Variants in ESRRG observed in about 807,000 individuals in gnomAD.
The protein encoded by ESRRG is estrogen-related receptor gamma.
Under a neutral mutation model 44.0 loss-of-function variants are expected in ESRRG, and 13 were observed. The observed-to-expected ratio is 0.30, with a 90% confidence interval of 0.19 to 0.47. The LOEUF (loss-of-function observed/expected upper bound fraction) is 0.47, where lower values mean the gene tolerates loss of function less well. ESRRG is among the 20% of genes least tolerant of loss of function. ESRRG has a pLI of 1.00. For missense variants in ESRRG, 395 were observed against 580.6 expected, an observed-to-expected ratio of 0.68 and a Z score of 3.29; for synonymous variants, 215 against 214.6, an observed-to-expected ratio of 1.00 and a Z score of -0.02.
chr1:216,747,207 T>C (rs73093939), intron 2 of ESRRG, among the ~76,000 whole-genome samples: 3 of 152,280 alleles, frequency 2.0e-5, no homozygotes, highest in African/African-American at 7.2e-5. Flanking sequence ...TGAGACGTCA[T>C]TTAAATTGCC....
At chr1:217,086,341 T>A (rs1012211494) in intron 1 of ESRRG, among the ~76,000 whole-genome samples, 1 of 152,224 alleles carries the variant, frequency 6.6e-6, no homozygotes, top group African/African-American at 2.4e-5. Flanking sequence ...CTATCCCCAT[T>A]TCATAGGGCT....
intron 2 of ESRRG, among the ~76,000 whole-genome samples, chr1:216,907,249 C>G (rs188063664): frequency 6.6e-6 from 1 of 152,238 alleles, no homozygotes; most frequent in Admixed American, 6.5e-5. Flanking sequence ...AAGCCATTAC[C>G]GAGTGACAGG....
At chr1:216,709,160 C>A (rs189320452) in intron 1 of ESRRG, among the ~76,000 whole-genome samples, 1 of 151,928 alleles carries the variant, frequency 6.6e-6, no homozygotes, top group East Asian at 1.9e-4. Flanking sequence ...CTCATGTATA[C>A]CTATGTAACA....
chr1:216,622,040 A>T lies in ESRRG; in HGVS notation c.589+28933T>A, dbSNP rs552831755. On this transcript the variant is annotated intron_variant, in intron 3 of 6. Coordinates refer to ENST00000408911, the MANE Select transcript of ESRRG (RefSeq NM_001438.4). Reference sequence around the variant, plus strand: ...TGGATGACTACTGTCTACAAACTACAGAGTGAATAGTTGGCATGGAATTCA... The same window carrying T: ...TGGATGACTACTGTCTACAAACTACTGAGTGAATAGTTGGCATGGAATTCA... 3.9e-5 allele frequency among the ~76,000 whole-genome samples: 6 copies of T among 152,308 alleles called. No homozygotes were observed. The East Asian group carries it at 1.2e-3, about 30-fold the overall frequency.
rs115508532 is a variant in ESRRG, at chr1:216,736,060, G to T, written c.-13-58569C>A. Among the ~76,000 whole-genome samples the T allele has an allele frequency of 5.4e-3, 797 of 146,310 alleles. 6 individuals carry two copies. The highest frequency in any genetic ancestry group is 0.019 in the African/African-American group (751 of 39,728). On this transcript the variant is annotated intron_variant, in intron 2 of 7. Transcript: ENST00000359162. ...GGTCACTATACTCACCTTCACTTGA[G>T]AAAGATGAGAACAGGGGGGGAGTTT...
intron 2 of ESRRG, among the ~76,000 whole-genome samples, chr1:216,821,687 G>GAAAAAAAAAAAAAAAAAAAAAA (rs1251334274): frequency 5.5e-5 from 3 of 54,190 alleles, no homozygotes; most frequent in Non-Finnish European, 8.0e-5. Context: ...CCTGCCTCAG[G>GAAAAAAAAAAAAAAAAAAAAAA]AAAAATAAAT....
At chr1:216,869,445 G>C (rs2096227360) in intron 2 of ESRRG, among the ~76,000 whole-genome samples, 1 of 152,076 alleles carries the variant, frequency 6.6e-6, no homozygotes, top group South Asian at 2.1e-4. Flanking sequence ...GTCTTGATTA[G>C]TGTAGCTATA....
chr1:217,092,256 A>G (rs1179168142), upstream of ESRRG, among the ~76,000 whole-genome samples: 4 of 152,222 alleles, frequency 2.6e-5, no homozygotes, highest in African/African-American at 7.2e-5. Flanking sequence ...AATAGTTAAT[A>G]TTGTTGGAGC....
chr1:216,538,966 T>C (rs529160105), intron 5 of ESRRG, among the ~76,000 whole-genome samples: 1 of 152,180 alleles, frequency 6.6e-6, no homozygotes. Flanking sequence ...GCATGTCATG[T>C]CAATTAACAA....
At chr1:216,889,908 G>A (rs2057538657) in intron 2 of ESRRG, among the ~76,000 whole-genome samples, 1 of 152,136 alleles carries the variant, frequency 6.6e-6, no homozygotes, top group South Asian at 2.1e-4. Flanking sequence ...TAAAAATACT[G>A]AAATCTTATA....
intron 3 of ESRRG, among the ~76,000 whole-genome samples, chr1:216,589,018 G>C (rs1295445537): frequency 1.3e-5 from 2 of 152,114 alleles, no homozygotes; most frequent in Non-Finnish European, 2.9e-5. Flanking sequence ...GATTTTAAAG[G>C]AAAGAAAAAC....
At chr1:217,056,914 G>T (rs1017629861) in intron 1 of ESRRG, among the ~76,000 whole-genome samples, 2 of 152,082 alleles carry the variant, frequency 1.3e-5, no homozygotes, top group Non-Finnish European at 2.9e-5. Flanking sequence ...GAACCCAGAA[G>T]AGCTAATAGT....
chr1:216,929,512 G>T (rs1489204066), intron 2 of ESRRG, among the ~76,000 whole-genome samples: 5 of 152,274 alleles, frequency 3.3e-5, no homozygotes, highest in African/African-American at 1.2e-4. Context: ...AGTGCTTGAA[G>T]AAATGTTTTT....
chr1:216,634,778 G>A (rs560702561), intron 3 of ESRRG, among the ~76,000 whole-genome samples: 10 of 152,120 alleles, frequency 6.6e-5, no homozygotes, highest in African/African-American at 1.9e-4. Flanking sequence ...GGGAGGATGC[G>A]TGTGGGTTGG....
chr1:216,976,005 C>T (rs529705700), intron 1 of ESRRG, among the ~76,000 whole-genome samples: 18 of 152,212 alleles, frequency 1.2e-4, no homozygotes, highest in Middle Eastern at 6.8e-3. Flanking sequence ...TCTAAATGTC[C>T]ATGAGCTTCA....
At chr1:217,002,402 A>T (rs2077163401) in intron 1 of ESRRG, among the ~76,000 whole-genome samples, 1 of 151,964 alleles carries the variant, frequency 6.6e-6, no homozygotes, top group Non-Finnish European at 1.5e-5. Context: ...TTTAGGGCAG[A>T]TCCGTCCCTA....
intron 5 of ESRRG, among the ~76,000 whole-genome samples, chr1:216,547,267 G>A (rs1173921003): frequency 6.6e-6 from 1 of 151,762 alleles, no homozygotes; most frequent in Admixed American, 6.6e-5. Flanking sequence ...TGATGATGAT[G>A]ATGATGATGA....
At chr1:216,818,093 A>T (rs2095195841) in intron 2 of ESRRG, among the ~76,000 whole-genome samples, 1 of 152,196 alleles carries the variant, frequency 6.6e-6, no homozygotes, top group South Asian at 2.1e-4. Flanking sequence ...TCACACCTCA[A>T]ATGAAACAAT....
chr1:216,785,021 C>T (rs1291005383), intron 2 of ESRRG, among the ~76,000 whole-genome samples: 1 of 151,562 alleles, frequency 6.6e-6, no homozygotes, highest in East Asian at 1.9e-4. Flanking sequence ...GATGTCCAAA[C>T]ATTTGCAGCC....
Sources: allele counts gnomAD v4.1 joint callset (sites outside exome capture counted in the v4.1 genomes callset), GRCh38; gene constraint gnomAD v4.1.1; transcripts MANE v1.5; gene names NCBI Gene and HGNC (gene_info 2026-07-23, HGNC 2026-07-21).